DLGAP2: variants seen among roughly 807,000 people sequenced by gnomAD.
DLGAP2 encodes DLG associated protein 2.
Under a neutral mutation model 100.3 loss-of-function variants are expected in DLGAP2, and 26 were observed. That is an observed-to-expected ratio of 0.26 (90% CI 0.19 to 0.36). The LOEUF (loss-of-function observed/expected upper bound fraction) is 0.36, where lower values mean the gene tolerates loss of function less well. Ranked by LOEUF, DLGAP2 falls within the 10% of genes least tolerant of loss-of-function variation. The pLI is 1.00. For synonymous variants in DLGAP2, 886 were observed against 630.1 expected (o/e 1.41, Z -6.08); for missense variants, 1,858 against 1,453.2 (o/e 1.28, Z -4.53).
rs903138858 is a variant in DLGAP2 at position 1,416,604 on chromosome 8, C to T, written c.107-84762C>T. Among the ~76,000 whole-genome samples, 7 of 152,190 alleles carry T rather than the reference C, an allele frequency of 4.6e-5. No homozygotes were observed. In the East Asian group the frequency reaches 5.8e-4, roughly 13 times the overall value. On this transcript the variant is annotated intron_variant, in intron 3 of 14. Transcript: ENST00000637795. Reference sequence around the variant, plus strand: ...CTTCTTTGAAAACTTACCATGAAAACGAACAGTTTTTTGTCACCTCAACAT... The same window carrying T: ...CTTCTTTGAAAACTTACCATGAAAATGAACAGTTTTTTGTCACCTCAACAT...
In DLGAP2 at chr8:1,378,307, C is replaced by T. The variant is rs566860650; in HGVS notation, c.106+119424C>T. 1.7e-3 allele frequency among the ~76,000 whole-genome samples: 263 copies of T among 151,650 alleles called. 3 individuals carry two copies. The highest frequency in any genetic ancestry group is 5.7e-3 in the African/African-American group (237 of 41,270). Reference sequence around the variant, plus strand: ...CACACACCTGACCTCACCTGTCCTGCGCACACCTGACTTCACCTGTCTGTC... The same window carrying T: ...CACACACCTGACCTCACCTGTCCTGTGCACACCTGACTTCACCTGTCTGTC... On this transcript the variant is annotated intron_variant, in intron 3 of 14. Coordinates refer to ENST00000637795, the MANE Select transcript of DLGAP2 (RefSeq NM_001346810.2).
intron 8 of DLGAP2, among the ~76,000 whole-genome samples, chr8:1,647,985 C>T (rs544597037): frequency 1.3e-5 from 2 of 152,294 alleles, no homozygotes; most frequent in South Asian, 4.1e-4. Context: ...ATCCACAAAC[C>T]CACGGTCACA....
chr8:1,486,583 C>T (rs774943730), intron 3 of DLGAP2, among the ~76,000 whole-genome samples: 13 of 152,118 alleles, frequency 8.5e-5, no homozygotes, highest in East Asian at 3.9e-4. Context: ...AGTTCAGCAT[C>T]AGCGGAGATG....
intron 3 of DLGAP2, among the ~76,000 whole-genome samples, chr8:1,484,481 C>T (rs557616432): frequency 6.6e-6 from 1 of 152,356 alleles, no homozygotes; most frequent in South Asian, 2.1e-4. Context: ...CAGAGCGGTG[C>T]CCGCCGACCC....
At chr8:1,098,580 C>T (rs577619024) in intron 2 of DLGAP2, among the ~76,000 whole-genome samples, 20 of 149,658 alleles carry the variant, frequency 1.3e-4, no homozygotes, top group Non-Finnish European at 2.7e-4. Flanking sequence ...CCACAGACGC[C>T]GCGACCCACA....
intron 1 of DLGAP2, among the ~76,000 whole-genome samples, chr8:794,327 A>G (rs1795982100): frequency 6.6e-6 from 1 of 152,128 alleles, no homozygotes; most frequent in Non-Finnish European, 1.5e-5. Flanking sequence ...AATTAAAGAC[A>G]CACACACAGA....
chr8:1,456,032 G>T (rs762606103), intron 3 of DLGAP2, among the ~76,000 whole-genome samples: 1 of 152,158 alleles, frequency 6.6e-6, no homozygotes, highest in Non-Finnish European at 1.5e-5. Context: ...ATGGCCGCTC[G>T]CTGATTGGAT....
rs548758360 is a variant in DLGAP2 at position 1,472,641 on chromosome 8, C to T, written c.107-28725C>T. Among the ~76,000 whole-genome samples, 5 of 152,148 alleles carry T rather than the reference C, an allele frequency of 3.3e-5. No homozygotes were observed. The South Asian group carries it at 6.2e-4, about 19-fold the overall frequency. On this transcript the variant is annotated intron_variant, in intron 3 of 14. Coordinates refer to ENST00000637795, the MANE Select transcript of DLGAP2 (RefSeq NM_001346810.2). The stretch of plus-strand genomic sequence containing the variant: ...TCCTCAAGATATACAGGTTCAGAAT[C>T]GAAGCTCAGCAGGTATTTTCTACAG...
chr8:916,613 A>G (rs1481783578), intron 2 of DLGAP2, among the ~76,000 whole-genome samples: 1 of 152,230 alleles, frequency 6.6e-6, no homozygotes, highest in African/African-American at 2.4e-5. Context: ...ATATGTAACA[A>G]ACCTGCACGT....
At chr8:867,211 A>G (rs781770461) in intron 1 of DLGAP2, among the ~76,000 whole-genome samples, 2 of 152,230 alleles carry the variant, frequency 1.3e-5, no homozygotes, top group African/African-American at 2.4e-5. Context: ...TTTATGCAAG[A>G]AAAATGCTGA....
Position 1,180,225 on chromosome 8 carries a change from T to G in DLGAP2, c.74-78626T>G, listed in dbSNP as rs143965734. On this transcript the variant is annotated intron_variant, in intron 2 of 14. Transcript: ENST00000637795. ...TTTTTAATTGACTTATAACTTACAG[T>G]GAAGTGCCCAGATTCTAGCTACACA... Among the ~76,000 whole-genome samples, 640 of 152,312 alleles carry G rather than the reference T, an allele frequency of 4.2e-3. 4 individuals are homozygous for G. Among genetic ancestry groups the G allele is most frequent in the South Asian group, 0.036 (174 of 4,822 alleles).
chr8:1,251,997 T>A lies in DLGAP2; in HGVS notation c.74-6854T>A, dbSNP rs1260437194. Among the ~76,000 whole-genome samples the A allele has an allele frequency of 3.3e-5, 5 of 152,208 alleles. No individual in the cohort carries two copies. The East Asian group carries it at 9.6e-4, about 29-fold the overall frequency. On this transcript the variant is annotated intron_variant, in intron 2 of 14. Transcript: ENST00000637795. ...TCACACTTGTCACACTGTGGTGTTG[T>A]CACGTGGGTGTGTTGTGTTGTCCTG...
intron 3 of DLGAP2, among the ~76,000 whole-genome samples, chr8:1,417,814 T>A (rs1029279108): frequency 6.6e-6 from 1 of 152,024 alleles, no homozygotes; most frequent in Non-Finnish European, 1.5e-5. Flanking sequence ...CAAATGCAGC[T>A]AATGCATTTG....
At chr8:1,646,981 G>A (rs4256621) in intron 8 of DLGAP2, among the ~76,000 whole-genome samples, 32,994 of 152,094 alleles carry the variant, frequency 0.22, 4,093 homozygotes, top group East Asian at 0.33. Flanking sequence ...AGAGGTGAGC[G>A]GACAGTGGAG....
At chr8:1,581,847 G>T (rs935805368) in intron 6 of DLGAP2, among the ~76,000 whole-genome samples, 1 of 149,456 alleles carries the variant, frequency 6.7e-6, no homozygotes, top group African/African-American at 2.5e-5. Flanking sequence ...GAAGGATACA[G>T]ACAAACCCCC....
At chr8:880,380 G>A (rs750564311) in intron 1 of DLGAP2, among the ~76,000 whole-genome samples, 4 of 152,220 alleles carry the variant, frequency 2.6e-5, no homozygotes, top group African/African-American at 4.8e-5. Context: ...CCAGGAAAGT[G>A]TCCACACTCA....
chr8:1,295,587 A>G (rs1190457756), intron 3 of DLGAP2, among the ~76,000 whole-genome samples: 1 of 152,216 alleles, frequency 6.6e-6, no homozygotes, highest in Non-Finnish European at 1.5e-5. Context: ...ACAGCTCTCC[A>G]CAAAGGCAGG....
chr8:1,560,911 C>G (rs1003735596), intron 5 of DLGAP2, among the ~76,000 whole-genome samples: 12 of 152,208 alleles, frequency 7.9e-5, no homozygotes, highest in African/African-American at 2.7e-4. Flanking sequence ...TCTGCGGTGT[C>G]ATCTGTGGGA....
At chr8:1,499,373 G>A (rs1183143072) in intron 3 of DLGAP2, among the ~76,000 whole-genome samples, 1 of 152,232 alleles carries the variant, frequency 6.6e-6, no homozygotes, top group Admixed American at 6.5e-5. Context: ...AAGGAGGGCT[G>A]AGGTTGAAGG....
Sources: allele counts gnomAD v4.1 joint callset (sites outside exome capture counted in the v4.1 genomes callset), GRCh38; gene constraint gnomAD v4.1.1; transcripts MANE v1.5; gene names NCBI Gene and HGNC (gene_info 2026-07-23, HGNC 2026-07-21).